The following CACNG4 variants were observed in gnomAD, a reference collection of about 807,000 sequenced individuals.
CACNG4 encodes voltage-dependent calcium channel gamma-4 subunit.
Under a neutral mutation model 22.9 loss-of-function variants are expected in CACNG4, and 8 were observed. The ratio of observed to expected loss-of-function variants is 0.35; its 90% CI spans 0.21 to 0.63. The LOEUF (loss-of-function observed/expected upper bound fraction) is 0.63. Among genes scored for constraint, CACNG4 ranks in the 30% least tolerant of loss-of-function variants. The pLI is 0.72. For missense variants in CACNG4, 357 were observed against 455.4 expected (o/e 0.78, Z 1.97); for synonymous variants, 188 against 191.9 (o/e 0.98, Z 0.17).
chr17:66,975,410 G>A (rs955671208), intron 1 of CACNG4, among the ~76,000 whole-genome samples: 1 of 152,190 alleles, frequency 6.6e-6, no homozygotes, highest in Non-Finnish European at 1.5e-5. Context: ...CTTGTCAGCT[G>A]TGTGTCTTCA....
intron 1 of CACNG4, among the ~76,000 whole-genome samples, chr17:66,970,839 T>C (rs371912140): frequency 1.3e-5 from 2 of 152,338 alleles, no homozygotes; most frequent in East Asian, 1.9e-4. Context: ...CAGCTGGTGC[T>C]TACTCTCCAA....
intron 2 of CACNG4, 85 bp from the exon 3 acceptor site, chr17:67,024,775 G>A: frequency 1.5e-6 from 2 of 1,362,902 alleles, no homozygotes; most frequent in Admixed American, 2.8e-5. Context: ...GAGCTGCAAG[G>A]TTCCTGGGAG....
intron 1 of CACNG4, among the ~76,000 whole-genome samples, chr17:66,968,471 TTCCCTCACCTTCCCTCCCCTCCTCCTC>T (rs2035183634): frequency 1.1e-5 from 1 of 88,514 alleles, no homozygotes; most frequent in African/African-American, 4.5e-5. Flanking sequence ...TTCCCTCCCC[TTCCCTCACCTTCCCTCCCCTCCTCCTC>T]TCCCTCCTCT....
At chr17:66,998,404 G>T (rs1473498491) in intron 1 of CACNG4, among the ~76,000 whole-genome samples, 1 of 152,034 alleles carries the variant, frequency 6.6e-6, no homozygotes, top group Non-Finnish European at 1.5e-5. Context: ...TTTGCTTTTT[G>T]TAGAGATGGG....
chr17:67,028,169 T>C (rs1317387175), intron 3 of CACNG4, among the ~76,000 whole-genome samples: 1 of 152,170 alleles, frequency 6.6e-6, no homozygotes, highest in African/African-American at 2.4e-5. Context: ...TAGCAGAAGA[T>C]ATTCTAACCC....
chr17:66,965,904 G>T (rs1475569641), intron 1 of CACNG4, among the ~76,000 whole-genome samples: 1 of 152,176 alleles, frequency 6.6e-6, no homozygotes, highest in East Asian at 1.9e-4. Context: ...AGCGACCTCG[G>T]TCGCGGCCCC....
chr17:67,008,327 A>G (rs1438327494), intron 1 of CACNG4, among the ~76,000 whole-genome samples: 1 of 152,192 alleles, frequency 6.6e-6, no homozygotes, highest in East Asian at 1.9e-4. Flanking sequence ...AGCTGGAAAG[A>G]GGCCAGCCCG....
chr17:66,965,160 CCACA>C (rs55909537), intron 1 of CACNG4, 29 bp downstream of exon 1: 785 of 843,722 alleles, frequency 9.3e-4, no homozygotes, highest in Middle Eastern at 1.4e-3. Flanking sequence ...CCTCGCCGCC[CCACA>C]CACACACACA....
At chr17:66,992,973 G>C (rs1312308793) in intron 1 of CACNG4, among the ~76,000 whole-genome samples, 1 of 152,266 alleles carries the variant, frequency 6.6e-6, no homozygotes, top group Non-Finnish European at 1.5e-5. Flanking sequence ...CTCTGTGTGG[G>C]TTTCCCAGAG....
In CACNG4 at chr17:67,015,628, C is replaced by T. The variant is rs73997314; in HGVS notation, c.221-2561C>T. Among the ~76,000 whole-genome samples the T allele has an allele frequency of 4.6e-3, 693 of 152,238 alleles. 3 individuals carry two copies. Among genetic ancestry groups the T allele is most frequent in the African/African-American group, 0.015 (643 of 41,534 alleles). ...TTTTTTTAAGATGGGCAGAACCCCA[C>T]GCGTATATACGTGGAAGGGTGTGCC... On this transcript the variant is annotated intron_variant, in intron 1 of 3. Coordinates refer to ENST00000262138, the MANE Select transcript of CACNG4 (RefSeq NM_014405.4).
intron 1 of CACNG4, among the ~76,000 whole-genome samples, chr17:67,004,602 G>C (rs1203160841): frequency 6.6e-6 from 1 of 152,206 alleles, no homozygotes; most frequent in Non-Finnish European, 1.5e-5. Context: ...TAGAGCCTGG[G>C]CTTTGGAGCC....
chr17:67,017,499 G>A (rs1195792317), intron 1 of CACNG4, among the ~76,000 whole-genome samples: 4 of 81,082 alleles, frequency 4.9e-5, no homozygotes, highest in African/African-American at 2.0e-4. Context: ...GGGCAAATTC[G>A]TTGTTGTTGT....
intron 3 of CACNG4, among the ~76,000 whole-genome samples, chr17:67,025,404 G>A (rs1398471490): frequency 6.6e-6 from 1 of 152,384 alleles, no homozygotes; most frequent in East Asian, 1.9e-4. Flanking sequence ...GGCTGGGTCA[G>A]GCGGTCAGGG....
intron 1 of CACNG4, among the ~76,000 whole-genome samples, chr17:67,012,950 A>C (rs2035476881): frequency 6.6e-6 from 1 of 152,216 alleles, no homozygotes; most frequent in Non-Finnish European, 1.5e-5. Context: ...AAAGGATTAT[A>C]TGAATGAGCA....
Position 67,006,290 on chromosome 17 carries a change from T to G in CACNG4, c.221-11899T>G, listed in dbSNP as rs1316028145. Among the ~76,000 whole-genome samples, 3 of 152,098 alleles carry G rather than the reference T, an allele frequency of 2.0e-5. No individual in the cohort carries two copies. In the East Asian group the frequency reaches 5.8e-4, roughly 29 times the overall value. ...AGGCTGGGGACAGAATGACAGACAT[T>G]CAGAGCCTGGAGGGTCTAGAGCTCC... On this transcript the variant is annotated intron_variant, in intron 1 of 3. Transcript: ENST00000262138.
chr17:66,993,037 TCATCCACTGGGTTGGGACAGGC>T (rs990691865), intron 1 of CACNG4, among the ~76,000 whole-genome samples: 3 of 152,200 alleles, frequency 2.0e-5, no homozygotes, highest in African/African-American at 7.2e-5. Context: ...CTGGCCCGGC[TCATCCACTGGGTTGGGACAGGC>T]TGTGAGAACC....
At chr17:66,982,106 A>G (rs538664863) in intron 1 of CACNG4, among the ~76,000 whole-genome samples, 1 of 152,320 alleles carries the variant, frequency 6.6e-6, no homozygotes, top group African/African-American at 2.4e-5. Flanking sequence ...TAAAGGTGGC[A>G]CGGACCCAAA....
Position 67,031,407 on chromosome 17 carries a change from C to T in CACNG4, c.*403C>T, listed in dbSNP as rs1389865158. ...CTTCCCTCCCTGCCTGGGTGTCGGGCCACCAGAAGGCTCTGCCGGACGCCA... is the reference window on the plus strand; with the variant it reads ...CTTCCCTCCCTGCCTGGGTGTCGGGTCACCAGAAGGCTCTGCCGGACGCCA... On this transcript the variant is annotated 3_prime_UTR_variant, in exon 4 of 4. Transcript: ENST00000262138. This position sits in a 1 kb window ranked among gnomAD's most constrained non-coding sequence, Gnocchi z 4.0. 2.2e-6 allele frequency: 1 copy of T among 464,566 alleles called. No individual in the cohort carries two copies. 28.8% of individuals were successfully genotyped at this position (464,566 alleles called of 1,614,324 possible). A position where few individuals can be genotyped will look rare whatever the true frequency, so the allele number is the denominator to read the frequency against.
At chr17:67,025,419 G>A (rs892756291) in intron 3 of CACNG4, among the ~76,000 whole-genome samples, 1 of 152,258 alleles carries the variant, frequency 6.6e-6, no homozygotes, top group African/African-American at 2.4e-5. Flanking sequence ...TCAGGGAGGT[G>A]CCCACGGGAA....
Sources: gnomAD v4.1 joint callset for allele counts (sites outside exome capture counted in the v4.1 genomes callset) on GRCh38, gnomAD v4.1.1 for gene constraint, Gnocchi (gnomAD v3.1) non-coding constraint, MANE v1.5 for transcripts, NCBI Gene and HGNC (gene_info 2026-07-23, HGNC 2026-07-21) for gene names.